PRPF4: variants seen among roughly 807,000 people sequenced by gnomAD.
PRPF4 encodes U4/U6 small nuclear ribonucleoprotein Prp4.
In PRPF4, 14 loss-of-function variants were observed where a neutral mutation model predicts 72.2. The observed-to-expected ratio is 0.19, with a 90% CI of 0.13 to 0.30. The LOEUF (loss-of-function observed/expected upper bound fraction) is 0.30, where lower values mean the gene tolerates loss of function less well. Among genes scored for constraint, PRPF4 ranks in the 10% least tolerant of loss-of-function variants. The pLI, the probability that PRPF4 is intolerant of heterozygous loss-of-function variation, is 1.00. For synonymous variants in PRPF4, 225 were observed against 232.2 expected (o/e 0.97, Z 0.28); for missense variants, 478 against 653.9 (o/e 0.73, Z 2.93).
intron 4 of PRPF4, 133 bp from the exon 5 acceptor site, chr9:113,282,999 G>A (rs1266187742): frequency 3.3e-6 from 5 of 1,499,650 alleles, no homozygotes; most frequent in Non-Finnish European, 4.5e-6. Flanking sequence ...TCAGTAGAAA[G>A]TCCTCTGCCT....
chr9:113,286,561 A>T, intron 8 of PRPF4, 144 bp from the exon 9 acceptor site: 1 of 1,244,660 alleles, frequency 8.0e-7, no homozygotes, highest in Non-Finnish European at 1.1e-6. Context: ...ATGTAATTTA[A>T]ATATTAGCTT....
intron 6 of PRPF4, 108 bp from the exon 7 acceptor site, chr9:113,284,187 G>A: frequency 1.2e-6 from 1 of 802,508 alleles, no homozygotes. Context: ...CTTGGGATGG[G>A]TTAAAACTGA....
At chr9:113,286,150 A>G (rs1446804395) in intron 7 of PRPF4, 82 bp from the exon 8 acceptor site, 1 of 1,451,066 alleles carries the variant, frequency 6.9e-7, no homozygotes, top group Non-Finnish European at 9.7e-7. Context: ...GTGAGAAGAG[A>G]TTGTCCTTTA....
chr9:113,276,818 A>G (rs1254620278), intron 2 of PRPF4, 93 bp downstream of exon 2: 1 of 1,422,780 alleles, frequency 7.0e-7, no homozygotes, highest in Non-Finnish European at 9.5e-7. Context: ...TCAAAAAATT[A>G]CAATTTTTTT....
intron 3 of PRPF4, among the ~76,000 whole-genome samples, chr9:113,281,249 C>T (rs904094583): frequency 3.9e-5 from 6 of 152,196 alleles, no homozygotes; most frequent in African/African-American, 7.2e-5. Flanking sequence ...AGAAGCCTTT[C>T]GTCACACCTA....
At chr9:113,282,360 C>T (rs1300925362) in intron 3 of PRPF4, among the ~76,000 whole-genome samples, 2 of 151,982 alleles carry the variant, frequency 1.3e-5, no homozygotes, top group Non-Finnish European at 2.9e-5. Context: ...TAGTCCCAGC[C>T]ACTCGGGAGG....
chr9:113,275,832 G>T (rs559978936), intron 1 of PRPF4, 62 bp downstream of exon 1: 2 of 1,595,308 alleles, frequency 1.3e-6, no homozygotes, highest in Admixed American at 3.4e-5. Context: ...GGGGATCTCT[G>T]CGGGAAGGGG....
Position 113,290,697 on chromosome 9 carries a change from C to T in PRPF4, c.1146-3C>T. On this transcript the variant is annotated splice_polypyrimidine_tract_variant and splice_region_variant and intron_variant, in intron 11 of 13. Transcript: ENST00000374198. ...AGTGTTCATTTCTAAATTATTTTCT[C>T]AGGGGACTGGATGCATTTGGTCGAG... 3 of 1,614,160 alleles carry T rather than the reference C, an allele frequency of 1.9e-6. No homozygotes were observed. Among genetic ancestry groups the T allele is most frequent in the Non-Finnish European group, 2.5e-6 (3 of 1,180,026 alleles).
chr9:113,275,796 C>T, intron 1 of PRPF4, 26 bp downstream of exon 1: 8 of 1,610,300 alleles, frequency 5.0e-6, no homozygotes, highest in Non-Finnish European at 6.8e-6. Context: ...TCCCAGCTCA[C>T]TCTGGCAGGG....
chr9:113,291,560 G>A lies in PRPF4; in HGVS notation c.1466G>A (p.Gly489Asp). 1 of 1,614,094 alleles carries A rather than the reference G, an allele frequency of 6.2e-7. No homozygotes were observed. The highest frequency in any genetic ancestry group is 8.5e-7 in the Non-Finnish European group (1 of 1,180,008). ...PGWSPLKTLA[G>D]HEGKVMGLDI... ...TGGTCCCCGCTGAAGACTCTGGCTG[G>A]CCACGAAGGCAAAGTGATGGGCCTA... The change falls in exon 14 of 14, where the codon GGC (glycine) becomes GAC (aspartate). Residue 489 changes from glycine (G) to aspartate (D), a missense_variant. Transcript: ENST00000374198.
chr9:113,282,864 G>C (rs180999944), intron 4 of PRPF4, 131 bp downstream of exon 4: 49 of 998,934 alleles, frequency 4.9e-5, no homozygotes, highest in Non-Finnish European at 3.5e-5. Context: ...TACCATTCAA[G>C]AAGAGTTGCT....
chr9:113,283,052 A>G, intron 4 of PRPF4, 80 bp from the exon 5 acceptor site: 10 of 1,595,318 alleles, frequency 6.3e-6, no homozygotes, highest in Non-Finnish European at 8.5e-6. Context: ...CCTTCTGGGC[A>G]GTTAAAATGG....
chr9:113,282,445 CT>C (rs1219065377), intron 3 of PRPF4, among the ~76,000 whole-genome samples, 200 bp from the exon 4 acceptor site: 2 of 151,032 alleles, frequency 1.3e-5, no homozygotes, highest in Non-Finnish European at 2.9e-5. Flanking sequence ...GCACTCCACC[CT>C]GGGCAACAAC....
At position 113,291,692 on chromosome 9, in the gene PRPF4, C is replaced by A. The variant is rs1302711214; in HGVS notation, c.*32C>A. 2.5e-6 allele frequency: 4 copies of A among 1,597,976 alleles called. No individual in the cohort carries two copies. Among genetic ancestry groups the A allele is most frequent in the Non-Finnish European group, 3.4e-6 (4 of 1,166,262 alleles). On this transcript the variant is annotated 3_prime_UTR_variant, in exon 14 of 14. Transcript: ENST00000374198. ...ATGGGAAAAGGACTTGAACCTCAAGCTCTCTCTAAGGAGCTGTTTTCCTCA... is the reference window on the plus strand; with the variant it reads ...ATGGGAAAAGGACTTGAACCTCAAGATCTCTCTAAGGAGCTGTTTTCCTCA...
chr9:113,287,885 A>G (rs1832495225), intron 9 of PRPF4, among the ~76,000 whole-genome samples: 1 of 152,122 alleles, frequency 6.6e-6, no homozygotes, highest in African/African-American at 2.4e-5. Context: ...TTTCATTTGG[A>G]TCTTGGAACA....
At chr9:113,283,602 T>A in intron 6 of PRPF4, 120 bp downstream of exon 6, 1 of 973,380 alleles carries the variant, frequency 1.0e-6, no homozygotes, top group Non-Finnish European at 1.5e-6. Flanking sequence ...CCTGCTTAAG[T>A]TGAGCTGCTG....
At chr9:113,280,684 C>A (rs939349131) in intron 3 of PRPF4, among the ~76,000 whole-genome samples, 4 of 152,096 alleles carry the variant, frequency 2.6e-5, no homozygotes, top group African/African-American at 9.7e-5. Flanking sequence ...AAACTCTTAC[C>A]ATGGTCTGTA....
chr9:113,283,070 A>T (rs1442833217), intron 4 of PRPF4, 62 bp from the exon 5 acceptor site: 3 of 1,603,606 alleles, frequency 1.9e-6, no homozygotes, highest in Non-Finnish European at 8.5e-7. Context: ...TGGAGAAATG[A>T]CAGTTATAAG....
At chr9:113,283,913 C>A (rs916004233) in intron 6 of PRPF4, among the ~76,000 whole-genome samples, 13 of 151,904 alleles carry the variant, frequency 8.6e-5, no homozygotes, top group Admixed American at 7.9e-4. Context: ...ACTAAAAATA[C>A]AAAAATTTGC....
Sources: gnomAD v4.1 joint callset for allele counts (sites outside exome capture counted in the v4.1 genomes callset) on GRCh38, gnomAD v4.1.1 for gene constraint, MANE v1.5 for transcripts, NCBI Gene and HGNC (gene_info 2026-07-23, HGNC 2026-07-21) for gene names.